Variants in CRISPLD2 observed in about 807,000 individuals in gnomAD.
CRISPLD2 encodes the protein cysteine rich secretory protein LCCL domain containing 2.
Under a neutral mutation model 71.1 loss-of-function variants are expected in CRISPLD2, and 47 were observed. That is an observed-to-expected ratio of 0.66 (90% confidence interval 0.52 to 0.84). The LOEUF is 0.84. Among genes scored for constraint, CRISPLD2 ranks in the 40% least tolerant of loss-of-function variants. The probability of loss-of-function intolerance (pLI) is 0.00; values close to 1 mark genes in which losing one functional copy is unlikely to be tolerated. For synonymous variants in CRISPLD2, 317 were observed against 250.1 expected, an observed-to-expected ratio of 1.27 and a Z score of -2.52; for missense variants, 830 against 651.1, an observed-to-expected ratio of 1.27 and a Z score of -2.99.
intron 14 of CRISPLD2, among the ~76,000 whole-genome samples, chr16:84,897,348 A>T (rs1442706239): frequency 6.6e-6 from 1 of 150,916 alleles, no homozygotes; most frequent in East Asian, 2.0e-4. Flanking sequence ...GGTACTTGGG[A>T]GGCTGAGGTA....
chr16:84,887,113 C>G (rs1280884612), intron 13 of CRISPLD2, among the ~76,000 whole-genome samples: 2 of 152,204 alleles, frequency 1.3e-5, no homozygotes, highest in Non-Finnish European at 1.5e-5. Context: ...GCTTGGTGAA[C>G]CAGTGGCTGG....
intron 14 of CRISPLD2, among the ~76,000 whole-genome samples, chr16:84,890,881 C>G (rs571181569): frequency 1.3e-5 from 2 of 152,218 alleles, no homozygotes; most frequent in African/African-American, 4.8e-5. Flanking sequence ...AGAAAGGGCA[C>G]TCAGCCTCCC....
At chr16:84,844,723 C>T (rs1164945762) in intron 2 of CRISPLD2, among the ~76,000 whole-genome samples, 1 of 152,180 alleles carries the variant, frequency 6.6e-6, no homozygotes, top group Non-Finnish European at 1.5e-5. Context: ...CGGGGCCCTT[C>T]TTGCTGTGTT....
At chr16:84,905,026 A>G (rs1344662754) in intron 14 of CRISPLD2, among the ~76,000 whole-genome samples, 2 of 152,166 alleles carry the variant, frequency 1.3e-5, no homozygotes, top group Non-Finnish European at 2.9e-5. Context: ...CACACCCATA[A>G]TCCCAGCACT....
At chr16:84,901,468 C>CTTT (rs564314509) in intron 14 of CRISPLD2, among the ~76,000 whole-genome samples, 13 of 119,048 alleles carry the variant, frequency 1.1e-4, no homozygotes, top group Non-Finnish European at 1.9e-4. Flanking sequence ...CCTGGCTGCA[C>CTTT]TTTTTTTTTT....
chr16:84,903,943 C>G (rs892561570), intron 14 of CRISPLD2, among the ~76,000 whole-genome samples: 23 of 152,218 alleles, frequency 1.5e-4, no homozygotes, highest in African/African-American at 5.3e-4. Context: ...TGGGGTGGGG[C>G]TGTGCCATCC....
intron 6 of CRISPLD2, among the ~76,000 whole-genome samples, chr16:84,864,031 G>C (rs529202570): frequency 6.6e-6 from 1 of 151,902 alleles, no homozygotes; most frequent in Admixed American, 6.6e-5. Context: ...ATGCATGCCG[G>C]GGAGGGCCCA....
Position 84,876,501 on chromosome 16 carries a change from C to T in CRISPLD2, c.1157-937C>T, listed in dbSNP as rs770680056. ...TGGGCGACAGAGTGAGACTCCGTCT[C>T]AAAAAAAAAAGGCCGGTGCAGTGGT... is the stretch of plus-strand genomic sequence containing the variant. On this transcript the variant is annotated intron_variant, in intron 11 of 14. Transcript: ENST00000262424. Among the ~76,000 whole-genome samples, 3 of 130,748 alleles carry T rather than the reference C, an allele frequency of 2.3e-5. 1 individual carries two copies. The South Asian group carries it at 7.6e-4, about 33-fold the overall frequency. 85.8% of individuals were successfully genotyped at this position (130,748 alleles called of 152,430 possible). A position where few individuals can be genotyped will look rare whatever the true frequency, so the allele number is the denominator to read the frequency against.
chr16:84,853,181 G>A (rs1035042518), intron 5 of CRISPLD2, among the ~76,000 whole-genome samples: 5 of 152,140 alleles, frequency 3.3e-5, no homozygotes, highest in Non-Finnish European at 5.9e-5. Flanking sequence ...TTTGTCTGAG[G>A]AAATATAGAA....
intron 6 of CRISPLD2, chr16:84,863,200 AATAGC>A (rs1917437223): frequency 6.6e-6 from 1 of 152,236 alleles, no homozygotes; most frequent in South Asian, 2.1e-4. Flanking sequence ...TAAATATGCC[AATAGC>A]CACAGAGGGG....
In CRISPLD2 at chr16:84,905,707, C is replaced by CT. The variant is rs36068463; in HGVS notation, c.1440-863dup. Among the ~76,000 whole-genome samples the CT allele has an allele frequency of 3.9e-3, 447 of 116,094 alleles. 6 individuals carry two copies. The highest frequency in any genetic ancestry group is 0.033 in the East Asian group (127 of 3,796). 76.2% of individuals were successfully genotyped at this position (116,094 alleles called of 152,430 possible). A position where few individuals can be genotyped will look rare whatever the true frequency, so the allele number is the denominator to read the frequency against. The stretch of plus-strand genomic sequence containing the variant: ...GCCACCGTGCCTGACCAATAAAGCT[C>CT]TTTTTTTTTTTTTTTTTTGGAGACA... On this transcript the variant is annotated intron_variant, in intron 14 of 14. Coordinates refer to ENST00000262424, the MANE Select transcript of CRISPLD2 (RefSeq NM_031476.4).
chr16:84,875,723 A>AT lies in CRISPLD2; in HGVS notation c.1157-1694dup, dbSNP rs35350672. Among the ~76,000 whole-genome samples the AT allele has an allele frequency of 1.5e-3, 196 of 128,862 alleles. 1 individual carries two copies. The highest frequency in any genetic ancestry group is 3.9e-3 in the East Asian group (17 of 4,372). The allele number at this position is 128,862 out of a possible 152,430, so 84.5% of individuals were successfully genotyped here. On this transcript the variant is annotated intron_variant, in intron 11 of 14. Coordinates refer to ENST00000262424, the MANE Select transcript of CRISPLD2 (RefSeq NM_031476.4). ...AGGCACCCGCCACCATGTCCAGCTA[A>AT]TTTTTTTTTTTTTTTTTTTTTAAGT...
chr16:84,873,112 C>G lies in CRISPLD2; in HGVS notation c.1102C>G (p.Gln368Glu), dbSNP rs2071486238. 1.2e-6 allele frequency: 2 copies of G among 1,613,184 alleles called. No homozygotes were observed. Among genetic ancestry groups the G allele is most frequent in the East Asian group, 2.2e-5 (1 of 44,810 alleles). The change falls in exon 10 of 15, where the codon CAG becomes GAG. Residue 368 changes from glutamine (Q) to glutamate (E), a missense_variant. Coordinates refer to ENST00000262424, the MANE Select transcript of CRISPLD2 (RefSeq NM_031476.4). ...CGTGAAGTCTGAGAGACACGGCGTG[C>G]AGTCCCTCAGGTAACTACTCTGTGA... The part of the protein sequence containing the change: ...FFVKSERHGV[Q>E]SLSKYKPSSS...
At chr16:84,887,059 C>T (rs983921155) in intron 13 of CRISPLD2, among the ~76,000 whole-genome samples, 1 of 152,182 alleles carries the variant, frequency 6.6e-6, no homozygotes. Flanking sequence ...ATCCCAGCTT[C>T]ATCTTCTCCA....
At chr16:84,892,927 G>C (rs2071675140) in intron 14 of CRISPLD2, among the ~76,000 whole-genome samples, 1 of 132,710 alleles carries the variant, frequency 7.5e-6, no homozygotes, top group African/African-American at 2.9e-5. Context: ...ACTGAGCCGA[G>C]ATTCCACCAC....
intron 1 of CRISPLD2, among the ~76,000 whole-genome samples, chr16:84,829,670 C>T (rs1004251744): frequency 6.6e-6 from 1 of 152,200 alleles, no homozygotes; most frequent in Non-Finnish European, 1.5e-5. Flanking sequence ...AGAGTCGCTG[C>T]GTGGACGACC....
rs1224847924 is a variant in CRISPLD2, at chr16:84,838,567, C to T, written c.72C>T (p.Leu24=). The part of the protein sequence containing the change: ...LFLVCGSQGY[L]LPNVTLLEEL... ...TGGTCTGCGGATCCCAAGGCTACCTCCTGCCCAACGTCACTCTCTTAGAGG... is the reference window on the plus strand; with the variant it reads ...TGGTCTGCGGATCCCAAGGCTACCTTCTGCCCAACGTCACTCTCTTAGAGG... Residue 24 remains leucine (L), a synonymous_variant, in exon 2 of 15, where the codon CTC becomes CTT. Coordinates refer to ENST00000262424, the MANE Select transcript of CRISPLD2 (RefSeq NM_031476.4). The T allele has an allele frequency of 2.5e-6, 4 of 1,614,244 alleles. No homozygotes were observed. Among genetic ancestry groups the T allele is most frequent in the Non-Finnish European group, 3.4e-6 (4 of 1,180,040 alleles).
intron 6 of CRISPLD2, 80 bp from the exon 7 acceptor site, chr16:84,866,817 C>G (rs1482368658): frequency 2.1e-6 from 3 of 1,399,978 alleles, no homozygotes; most frequent in Non-Finnish European, 2.0e-6. Flanking sequence ...GTTTAGTTTT[C>G]AAATTGCTTT....
intron 12 of CRISPLD2, among the ~76,000 whole-genome samples, chr16:84,880,142 T>C (rs2071555710): frequency 2.0e-5 from 3 of 152,190 alleles, no homozygotes; most frequent in Non-Finnish European, 1.5e-5. Flanking sequence ...CTCTTGATGC[T>C]AATCTCCATA....
Sources: gnomAD v4.1 joint callset for allele counts (sites outside exome capture counted in the v4.1 genomes callset) on GRCh38, gnomAD v4.1.1 for gene constraint, MANE v1.5 for transcripts, NCBI Gene and HGNC (gene_info 2026-07-23, HGNC 2026-07-21) for gene names.